Variants in KCNJ6 observed in about 807,000 individuals in gnomAD.
KCNJ6 encodes the protein G protein-activated inward rectifier potassium channel 2.
KCNJ6 carries 9 observed loss-of-function variants against 34.2 expected under a neutral mutation model. The observed-to-expected ratio is 0.26, with a 90% CI of 0.16 to 0.46. The LOEUF (loss-of-function observed/expected upper bound fraction) is 0.46, where lower values mean the gene tolerates loss of function less well. Ranked by LOEUF, KCNJ6 falls within the 20% of genes least tolerant of loss-of-function variation. The pLI is 1.00. For synonymous variants in KCNJ6, 196 were observed against 207.1 expected, an observed-to-expected ratio of 0.95 and a Z score of 0.46; for missense variants, 236 against 531.3, an observed-to-expected ratio of 0.44 and a Z score of 5.46.
intron 1 of KCNJ6, among the ~76,000 whole-genome samples, chr21:37,866,550 G>A (rs2055623748): frequency 6.6e-6 from 1 of 152,250 alleles, no homozygotes; most frequent in Non-Finnish European, 1.5e-5. Context: ...GAGCTGGACA[G>A]TGAGGCCAGG....
chr21:37,742,142 A>G (rs1277099759), intron 2 of KCNJ6, among the ~76,000 whole-genome samples: 2 of 152,194 alleles, frequency 1.3e-5, no homozygotes, highest in African/African-American at 2.4e-5. Flanking sequence ...ACTTTTACCA[A>G]TTGGCCTTAA....
At chr21:37,871,052 CT>C (rs1021621678) in intron 1 of KCNJ6, among the ~76,000 whole-genome samples, 2 of 152,022 alleles carry the variant, frequency 1.3e-5, no homozygotes, top group Admixed American at 6.5e-5. Flanking sequence ...CATTCATTAC[CT>C]TTTTTTTTCC....
intron 3 of KCNJ6, among the ~76,000 whole-genome samples, chr21:37,688,976 G>A (rs554473290): frequency 6.6e-6 from 1 of 152,208 alleles, no homozygotes; most frequent in East Asian, 1.9e-4. Flanking sequence ...TATATGTATT[G>A]TAGATATACA....
chr21:37,743,330 GTA>G (rs1232464863), intron 2 of KCNJ6, among the ~76,000 whole-genome samples: 3 of 152,186 alleles, frequency 2.0e-5, no homozygotes, highest in Non-Finnish European at 4.4e-5. Flanking sequence ...GTATGCGTGT[GTA>G]TATGTGTGTG....
At chr21:37,888,074 T>C (rs1164186459) in intron 1 of KCNJ6, among the ~76,000 whole-genome samples, 2 of 152,104 alleles carry the variant, frequency 1.3e-5, no homozygotes, top group Admixed American at 6.5e-5. Flanking sequence ...AGACAGGCTG[T>C]TCCCAATTGT....
chr21:37,870,488 A>G (rs140944920), intron 1 of KCNJ6, among the ~76,000 whole-genome samples: 2,696 of 152,302 alleles, frequency 0.018, 28 homozygotes, highest in Non-Finnish European at 0.028. Flanking sequence ...TAGCCAGTCC[A>G]TCAGGATGGA....
intron 3 of KCNJ6, among the ~76,000 whole-genome samples, chr21:37,677,791 C>CCAT (rs1399999027): frequency 8.5e-4 from 12 of 14,044 alleles, no homozygotes; most frequent in East Asian, 2.6e-3. Flanking sequence ...CATCCATCCA[C>CCAT]CCACCTATCC....
intron 3 of KCNJ6, among the ~76,000 whole-genome samples, chr21:37,702,778 G>A (rs2054698299): frequency 6.6e-6 from 1 of 152,192 alleles, no homozygotes; most frequent in Non-Finnish European, 1.5e-5. Flanking sequence ...TTGCAGAAGA[G>A]AATGGAAAGG....
chr21:37,754,449 T>C (rs1227470683), intron 2 of KCNJ6, among the ~76,000 whole-genome samples: 1 of 152,238 alleles, frequency 6.6e-6, no homozygotes, highest in East Asian at 1.9e-4. Flanking sequence ...TATGAACTGA[T>C]GTGTCTTTCT....
At chr21:37,838,670 T>C (rs943856219) in intron 2 of KCNJ6, among the ~76,000 whole-genome samples, 35 of 152,214 alleles carry the variant, frequency 2.3e-4, no homozygotes, top group Non-Finnish European at 3.5e-4. Flanking sequence ...GGCTGGTCCA[T>C]TTTGTGATGG....
intron 3 of KCNJ6, among the ~76,000 whole-genome samples, chr21:37,647,076 TC>T (rs1979918282): frequency 6.6e-6 from 1 of 152,142 alleles, no homozygotes; most frequent in Non-Finnish European, 1.5e-5. Context: ...CTTTCATCTG[TC>T]CTATTTTGAG....
At position 37,871,289 on chromosome 21, in the gene KCNJ6, T is replaced by A. The variant is rs11702803; in HGVS notation, c.-27-30580A>T. ...TGATAGTCATTGAACATGTGTTGTG[T>A]CCACTCCTCTGATCCTGGTGTTCTG... On this transcript the variant is annotated intron_variant, in intron 1 of 3. Transcript: ENST00000609713. 5.4e-3 allele frequency among the ~76,000 whole-genome samples: 830 copies of A among 152,304 alleles called. 2 individuals are homozygous for A. Among genetic ancestry groups the A allele is most frequent in the Non-Finnish European group, 8.5e-3 (579 of 68,024 alleles).
rs542443449 is a variant in KCNJ6, at chr21:37,621,450, G to GA, written c.*3708dup. 1.0e-3 allele frequency: 154 copies of GA among 152,198 alleles called. No homozygotes were observed. Among genetic ancestry groups the GA allele is most frequent in the African/African-American group, 3.4e-3 (141 of 41,534 alleles). 9.4% of individuals were successfully genotyped at this position (152,198 alleles called of 1,614,324 possible). Reference sequence around the variant, plus strand: ...TAAATCTAAATAAAAAAGCAAAGGGGAAAAAAGTAAGAAAACTGAAATGTA... The same window carrying GA: ...TAAATCTAAATAAAAAAGCAAAGGGGAAAAAAAGTAAGAAAACTGAAATGTA... On this transcript the variant is annotated 3_prime_UTR_variant, in exon 4 of 4. Transcript: ENST00000609713.
chr21:37,727,637 GATAGA>G (rs1413223841), intron 2 of KCNJ6, among the ~76,000 whole-genome samples: 3 of 152,270 alleles, frequency 2.0e-5, no homozygotes, highest in East Asian at 3.9e-4. Flanking sequence ...TCGGGTGTTT[GATAGA>G]ATAGAAGTCA....
At chr21:37,899,121 G>C (rs1360761779) in intron 1 of KCNJ6, among the ~76,000 whole-genome samples, 4 of 152,160 alleles carry the variant, frequency 2.6e-5, no homozygotes, top group Non-Finnish European at 5.9e-5. Context: ...CAAGTTTTCA[G>C]GGGGCAAAAC....
At chr21:37,883,062 C>T (rs16995603) in intron 1 of KCNJ6, among the ~76,000 whole-genome samples, 3,023 of 152,212 alleles carry the variant, frequency 0.02, 109 homozygotes, top group African/African-American at 0.068. Context: ...GCTTTTACGC[C>T]GGTGCAGGCC....
chr21:37,741,065 ATG>A (rs1485508082), intron 2 of KCNJ6, among the ~76,000 whole-genome samples: 1 of 152,136 alleles, frequency 6.6e-6, no homozygotes, highest in Non-Finnish European at 1.5e-5. Flanking sequence ...CGCTCCCTAT[ATG>A]TAGATGACTT....
intron 1 of KCNJ6, among the ~76,000 whole-genome samples, chr21:37,856,027 C>A (rs754953772): frequency 3.3e-5 from 5 of 152,178 alleles, no homozygotes; most frequent in African/African-American, 4.8e-5. Context: ...GGCAAGAATT[C>A]TTTCCCAAGG....
intron 2 of KCNJ6, among the ~76,000 whole-genome samples, chr21:37,727,498 C>T (rs1436906216): frequency 1.3e-5 from 2 of 151,636 alleles, no homozygotes; most frequent in African/African-American, 2.4e-5. Flanking sequence ...TGCATGTGTG[C>T]ACATGTGTCA....
Sources: allele counts gnomAD v4.1 joint callset (sites outside exome capture counted in the v4.1 genomes callset), GRCh38; gene constraint gnomAD v4.1.1; transcripts MANE v1.5; gene names NCBI Gene and HGNC (gene_info 2026-07-23, HGNC 2026-07-21).